Variants in CFAP43 observed in about 807,000 individuals in gnomAD.
CFAP43 encodes the protein cilia- and flagella-associated protein 43.
Under a neutral mutation model 218.9 loss-of-function variants are expected in CFAP43, and 155 were observed. The ratio of observed to expected loss-of-function variants is 0.71; its 90% CI spans 0.62 to 0.81. CFAP43 has a LOEUF of 0.81. CFAP43 is among the 30% of genes least tolerant of loss of function. CFAP43 has a pLI of 0.00. For missense variants in CFAP43, 1,778 were observed against 1,954.3 expected, an observed-to-expected ratio of 0.91 and a Z score of 1.70; for synonymous variants, 645 against 681.3, an observed-to-expected ratio of 0.95 and a Z score of 0.83.
Position 104,152,617 on chromosome 10 carries a change from A to G in CFAP43, c.3650T>C (p.Val1217Ala). The G allele has an allele frequency of 6.2e-7, 1 of 1,613,690 alleles. No homozygotes were observed. Among genetic ancestry groups the G allele is most frequent in the African/African-American group, 1.3e-5 (1 of 74,960 alleles). Residue 1217 changes from valine (V) to alanine (A), a missense_variant, in exon 28 of 38, where the codon GTT becomes GCT. Val to Ala is a moderately conservative substitution (Grantham distance 64). This residue lies in a region of CFAP43 where 1,553 missense variants were observed against 1,685.2 expected (regional missense o/e 0.92). Coordinates refer to ENST00000357060, the MANE Select transcript of CFAP43 (RefSeq NM_025145.7). ...AAAGCTTTTATTTACCTGGTTGGTA[A>G]CCATCTCTGCCTTCACTCTCCTTTC... ...LFERRVKAEMVTNQEELKISN... is the reference protein window; with the variant it reads ...LFERRVKAEMATNQEELKISN...
intron 3 of CFAP43, among the ~76,000 whole-genome samples, chr10:104,222,887 TA>T (rs1004057941): frequency 6.6e-6 from 1 of 152,184 alleles, no homozygotes; most frequent in African/African-American, 2.4e-5. Flanking sequence ...GAAGTTAATG[TA>T]AATGAATGAA....
intron 20 of CFAP43, among the ~76,000 whole-genome samples, chr10:104,170,482 A>G (rs1035241583): frequency 1.3e-5 from 2 of 152,112 alleles, no homozygotes; most frequent in African/African-American, 4.8e-5. Flanking sequence ...GCGGGCAGGC[A>G]CTGAACCCAC....
intron 3 of CFAP43, among the ~76,000 whole-genome samples, chr10:104,218,344 T>G (rs1474405410): frequency 2.2e-5 from 2 of 91,000 alleles, no homozygotes; most frequent in Admixed American, 2.7e-4. Context: ...TGAGACTGTG[T>G]CTCAAAAAAA....
At position 104,224,754 on chromosome 10, in the gene CFAP43, CAA is replaced by C. The variant is rs66877503; in HGVS notation, c.416+705_416+706del. ...TGGGGGACAGAGTGAGACTCCATCT[CAA>C]AAAAAAAAAAAAAAAAAAAAATTTA... On this transcript the variant is annotated intron_variant, in intron 3 of 37. Transcript: ENST00000357060. 8.6e-3 allele frequency among the ~76,000 whole-genome samples: 606 copies of C among 70,112 alleles called. 4 individuals are homozygous for C. The highest frequency in any genetic ancestry group is 0.028 in the African/African-American group (545 of 19,546). 46.0% of individuals were successfully genotyped at this position (70,112 alleles called of 152,430 possible).
chr10:104,179,705 C>A, intron 18 of CFAP43, 135 bp downstream of exon 18: 1 of 671,610 alleles, frequency 1.5e-6, no homozygotes, highest in Non-Finnish European at 2.6e-6. Flanking sequence ...AAAAGTTACA[C>A]CTGTATGTTG....
intron 23 of CFAP43, among the ~76,000 whole-genome samples, chr10:104,166,035 C>T (rs916858103): frequency 2.6e-5 from 4 of 152,152 alleles, no homozygotes; most frequent in African/African-American, 7.2e-5. Flanking sequence ...AGGACATGGA[C>T]AGTATCTGTA....
At chr10:104,158,678 G>A (rs2088708516) in intron 27 of CFAP43, among the ~76,000 whole-genome samples, 1 of 152,098 alleles carries the variant, frequency 6.6e-6, no homozygotes, top group African/African-American at 2.4e-5. Flanking sequence ...TTGGACAACA[G>A]GGTAATCTGA....
rs61861322 is a variant in CFAP43 at position 104,141,796 on chromosome 10, A to G, written c.4271+485T>C. 3.8e-3 allele frequency among the ~76,000 whole-genome samples: 585 copies of G among 152,322 alleles called. 7 individuals carry two copies. Among genetic ancestry groups the G allele is most frequent in the Non-Finnish European group, 4.9e-3 (331 of 68,038 alleles). ...TTCTCAATGAATTTGGGAACATCAG[A>G]GAAGTATTTATCGATGAGGCTATAA... On this transcript the variant is annotated intron_variant, in intron 33 of 37. Coordinates refer to ENST00000357060, the MANE Select transcript of CFAP43 (RefSeq NM_025145.7).
In CFAP43 at chr10:104,230,614, A is replaced by G; in HGVS notation, c.295T>C (p.Leu99=). The G allele has an allele frequency of 6.2e-7, 1 of 1,614,200 alleles. No individual in the cohort carries two copies. The highest frequency in any genetic ancestry group is 1.1e-5 in the South Asian group (1 of 91,074). The part of the protein sequence containing the change: ...PLIYVYSFPG[L]TRRTKLKGNI... The stretch of plus-strand genomic sequence containing the variant: ...CCTTTCAATTTGGTCCTTCTGGTCA[A>G]TCCTGGAAAGCTGTATACGTAGATG... The change falls in exon 2 of 38, where the codon TTG becomes CTG. Residue 99 remains leucine (L), a synonymous_variant. Transcript: ENST00000357060.
chr10:104,191,017 G>C (rs529037433), intron 12 of CFAP43, among the ~76,000 whole-genome samples: 1 of 152,228 alleles, frequency 6.6e-6, no homozygotes, highest in East Asian at 1.9e-4. Context: ...CTACCACATA[G>C]TCAGGCATTC....
intron 23 of CFAP43, among the ~76,000 whole-genome samples, chr10:104,165,895 G>A (rs1215098450): frequency 1.3e-5 from 2 of 152,058 alleles, no homozygotes; most frequent in Non-Finnish European, 2.9e-5. Flanking sequence ...TTTTCTCTTT[G>A]AGCTTACTGA....
intron 1 of CFAP43, among the ~76,000 whole-genome samples, chr10:104,231,455 G>T (rs1264425368): frequency 2.0e-5 from 3 of 152,208 alleles, no homozygotes; most frequent in South Asian, 2.1e-4. Flanking sequence ...AGGAGTGCGT[G>T]CTAGGTGTAT....
At chr10:104,206,416 C>T (rs1476794523) in intron 6 of CFAP43, among the ~76,000 whole-genome samples, 2 of 152,162 alleles carry the variant, frequency 1.3e-5, no homozygotes, top group African/African-American at 4.8e-5. Context: ...GGGCTAGAGG[C>T]ATGTCTGTGA....
At chr10:104,201,249 G>A (rs2090526064) in intron 8 of CFAP43, among the ~76,000 whole-genome samples, 1 of 151,958 alleles carries the variant, frequency 6.6e-6, no homozygotes, top group African/African-American at 2.4e-5. Flanking sequence ...TTACCTTAAA[G>A]CCTAATTTGT....
intron 2 of CFAP43, among the ~76,000 whole-genome samples, chr10:104,229,647 G>C (rs1045524432): frequency 6.6e-6 from 1 of 152,142 alleles, no homozygotes; most frequent in Non-Finnish European, 1.5e-5. Context: ...CTGGGTGATA[G>C]AGCCAGACTC....
intron 29 of CFAP43, among the ~76,000 whole-genome samples, chr10:104,147,459 T>C (rs1293886806): frequency 3.3e-5 from 5 of 152,002 alleles, no homozygotes; most frequent in Admixed American, 6.6e-5. Flanking sequence ...AATACGGCAG[T>C]TTTTCATTCT....
chr10:104,195,241 C>G (rs2090350632), intron 10 of CFAP43, among the ~76,000 whole-genome samples: 1 of 152,158 alleles, frequency 6.6e-6, no homozygotes, highest in South Asian at 2.1e-4. Flanking sequence ...ATTACTGTGT[C>G]TGGATCAATT....
At chr10:104,161,263 A>G in intron 26 of CFAP43, 101 bp from the exon 27 acceptor site, 7 of 1,274,088 alleles carry the variant, frequency 5.5e-6, no homozygotes, top group Non-Finnish European at 7.5e-6. Flanking sequence ...AAAAGGATAC[A>G]GTCCTTCACA....
At chr10:104,143,719 A>T (rs2134753566) in intron 31 of CFAP43, 80 bp from the exon 32 acceptor site, 1 of 1,340,746 alleles carries the variant, frequency 7.5e-7, no homozygotes, top group East Asian at 2.3e-5. Context: ...CCCTTAGCAC[A>T]GGCATAACAC....
Sources: allele counts gnomAD v4.1 joint callset (sites outside exome capture counted in the v4.1 genomes callset), GRCh38; gene constraint gnomAD v4.1.1; regional missense constraint gnomAD v4.1.1; transcripts MANE v1.5; gene names NCBI Gene and HGNC (gene_info 2026-07-23, HGNC 2026-07-21).